The following PTPRM variants were observed in gnomAD, a reference collection of about 807,000 sequenced individuals.
PTPRM encodes the protein protein tyrosine phosphatase receptor type M.
Under a neutral mutation model 186.7 loss-of-function variants are expected in PTPRM, and 47 were observed. The observed-to-expected ratio is 0.25, with a 90% confidence interval of 0.20 to 0.32. The LOEUF is 0.32. PTPRM is among the 10% of genes least tolerant of loss of function. PTPRM has a pLI of 1.00. For missense variants in PTPRM, 1,494 were observed against 1,865.0 expected, an observed-to-expected ratio of 0.80 and a Z score of 3.66; for synonymous variants, 668 against 674.9, an observed-to-expected ratio of 0.99 and a Z score of 0.16.
chr18:8,143,761 T>G lies in PTPRM; in HGVS notation c.2282T>G (p.Val761Gly). The G allele has an allele frequency of 6.2e-7, 1 of 1,614,090 alleles. No homozygotes were observed. The highest frequency in any genetic ancestry group is 8.5e-7 in the Non-Finnish European group (1 of 1,179,962). Reference sequence around the variant, plus strand: ...TTCGTGATTATATTTCTTGGAGTTGTGTTGGTAATGAAGAAAAGGTGAGCT... The same window carrying G: ...TTCGTGATTATATTTCTTGGAGTTGGGTTGGTAATGAAGAAAAGGTGAGCT... ...LLFVIIFLGVVLVMKKRKLAK... is the reference protein window; with the variant it reads ...LLFVIIFLGVGLVMKKRKLAK... The change falls in exon 14 of 33, where the codon GTG becomes GGG. Residue 761 changes from valine to glycine, a missense_variant. Coordinates refer to ENST00000580170, the MANE Select transcript of PTPRM (RefSeq NM_001105244.2).
At chr18:7,711,437 A>AT (rs565417913) in intron 1 of PTPRM, among the ~76,000 whole-genome samples, 2 of 152,156 alleles carry the variant, frequency 1.3e-5, no homozygotes, top group South Asian at 2.1e-4. Flanking sequence ...AGCTGCAGGA[A>AT]TTTTTTTTCA....
intron 19 of PTPRM, among the ~76,000 whole-genome samples, chr18:8,274,834 C>T (rs1477821378): frequency 6.6e-6 from 1 of 152,166 alleles, no homozygotes; most frequent in Admixed American, 6.6e-5. Context: ...CAAGAGCTTG[C>T]ATGCATAGTT....
At chr18:8,383,017 C>T (rs754010431) in intron 29 of PTPRM, among the ~76,000 whole-genome samples, 7 of 152,018 alleles carry the variant, frequency 4.6e-5, no homozygotes, top group Non-Finnish European at 8.8e-5. Context: ...AAGTTAGATG[C>T]GGCCAGGCGC....
chr18:8,137,733 C>A (rs1267817085), intron 13 of PTPRM, among the ~76,000 whole-genome samples: 1 of 152,154 alleles, frequency 6.6e-6, no homozygotes, highest in Non-Finnish European at 1.5e-5. Flanking sequence ...TATGTGACTC[C>A]AGAGGCCCCT....
chr18:8,097,873 T>G (rs2091088182), intron 11 of PTPRM, among the ~76,000 whole-genome samples: 1 of 152,190 alleles, frequency 6.6e-6, no homozygotes, highest in Non-Finnish European at 1.5e-5. Context: ...TTAATTAGAT[T>G]TACATGCAGT....
chr18:7,817,286 A>G (rs2044888777), intron 2 of PTPRM, among the ~76,000 whole-genome samples: 2 of 152,142 alleles, frequency 1.3e-5, no homozygotes, highest in African/African-American at 4.8e-5. Flanking sequence ...TTTTCTAGTT[A>G]GTTTATTTAC....
At chr18:7,600,794 C>G (rs1421337235) in intron 1 of PTPRM, among the ~76,000 whole-genome samples, 1 of 152,314 alleles carries the variant, frequency 6.6e-6, no homozygotes, top group Non-Finnish European at 1.5e-5. Flanking sequence ...CAGGCTGTGG[C>G]CCAAGAGGTG....
At chr18:8,092,179 A>C (rs555311044) in intron 11 of PTPRM, among the ~76,000 whole-genome samples, 1 of 152,242 alleles carries the variant, frequency 6.6e-6, no homozygotes, top group African/African-American at 2.4e-5. Flanking sequence ...TGGTTCATGT[A>C]GATTCTTGAA....
intron 1 of PTPRM, among the ~76,000 whole-genome samples, chr18:7,571,498 A>G (rs923923762): frequency 3.3e-5 from 5 of 152,226 alleles, no homozygotes; most frequent in African/African-American, 1.2e-4. Context: ...ATTATATAAT[A>G]CAATGAAGTG....
chr18:8,306,062 TAA>T (rs1348054595), intron 20 of PTPRM, among the ~76,000 whole-genome samples: 1 of 151,986 alleles, frequency 6.6e-6, no homozygotes, highest in African/African-American at 2.4e-5. Flanking sequence ...CACACCTGGC[TAA>T]TTTTGTATTT....
chr18:8,154,560 C>T (rs1360805596), intron 14 of PTPRM: 1 of 152,210 alleles, frequency 6.6e-6, no homozygotes, highest in East Asian at 1.9e-4. Context: ...ACAGCAAATT[C>T]AAACACTGGA....
intron 2 of PTPRM, among the ~76,000 whole-genome samples, chr18:7,791,748 A>G (rs2043354145): frequency 6.6e-6 from 1 of 152,220 alleles, no homozygotes; most frequent in Non-Finnish European, 1.5e-5. Flanking sequence ...ACAGGAGAAC[A>G]TTATTTAAAT....
chr18:8,322,309 C>A (rs1431063615), intron 22 of PTPRM, among the ~76,000 whole-genome samples: 3 of 152,142 alleles, frequency 2.0e-5, no homozygotes, highest in African/African-American at 7.2e-5. Context: ...CTAGCTGTAA[C>A]TGACTTTGAC....
At chr18:7,866,272 T>C (rs751493043) in intron 2 of PTPRM, among the ~76,000 whole-genome samples, 17 of 152,186 alleles carry the variant, frequency 1.1e-4, no homozygotes, top group Non-Finnish European at 2.5e-4. Context: ...CTTTTAATTG[T>C]GACGTTAGAG....
rs889287195 is a variant in PTPRM at position 8,181,740 on chromosome 18, G to A, written c.2300+37961G>A. Among the ~76,000 whole-genome samples the A allele has an allele frequency of 5.9e-5, 9 of 152,116 alleles. No individual in the cohort carries two copies. In the East Asian group the frequency reaches 7.7e-4, roughly 13 times the overall value. On this transcript the variant is annotated intron_variant, in intron 14 of 32. Transcript: ENST00000580170. ...AGGGTCTCTGAGGGAAGATGAATCC[G>A]CATCAGGCTTTCCCCAGCTTAACAG... is the stretch of plus-strand genomic sequence containing the variant.
intron 9 of PTPRM, among the ~76,000 whole-genome samples, chr18:8,079,233 C>T (rs1338792719): frequency 6.6e-6 from 1 of 152,180 alleles, no homozygotes; most frequent in African/African-American, 2.4e-5. Flanking sequence ...GCCTCTCTGA[C>T]CTTGTCTTCG....
At position 7,960,470 on chromosome 18, in the gene PTPRM, T is replaced by C. The variant is rs868339762; in HGVS notation, c.1132+5056T>C. Among the ~76,000 whole-genome samples, 184 of 115,964 alleles carry C rather than the reference T, an allele frequency of 1.6e-3. 1 individual carries two copies. The highest frequency in any genetic ancestry group is 5.9e-3 in the African/African-American group (177 of 29,988). 76.1% of individuals were successfully genotyped at this position (115,964 alleles called of 152,430 possible). A position where few individuals can be genotyped will look rare whatever the true frequency, so the allele number is the denominator to read the frequency against. ...GGCAACATATATATATATATATATA[T>C]ATATATATATACACACACACACACA... On this transcript the variant is annotated intron_variant, in intron 7 of 32. Transcript: ENST00000580170.
intron 28 of PTPRM, 74 bp downstream of exon 28, chr18:8,379,414 C>T (rs2095717310): frequency 1.4e-6 from 2 of 1,383,648 alleles, no homozygotes; most frequent in South Asian, 1.6e-5. Flanking sequence ...TTGGGTCTTC[C>T]CCATTCTGCT....
At position 7,602,451 on chromosome 18, in the gene PTPRM, A is replaced by G. The variant is rs1200966930; in HGVS notation, c.73+34560A>G. Among the ~76,000 whole-genome samples the G allele has an allele frequency of 1.5e-4, 22 of 149,104 alleles. 1 individual carries two copies. Among genetic ancestry groups the G allele is most frequent in the Admixed American group, 1.5e-3 (22 of 15,042 alleles). ...CAATTTTTTTTTTTTTTTTTGAGAC[A>G]GGGTCTTGCTCTGTAGCCCATGCTG... is the stretch of plus-strand genomic sequence containing the variant. On this transcript the variant is annotated intron_variant, in intron 1 of 32. Transcript: ENST00000580170.
Sources: gnomAD v4.1 joint callset for allele counts (sites outside exome capture counted in the v4.1 genomes callset) on GRCh38, gnomAD v4.1.1 for gene constraint, MANE v1.5 for transcripts, NCBI Gene and HGNC (gene_info 2026-07-23, HGNC 2026-07-21) for gene names.